The following ZAP70 variants were observed in gnomAD, a reference collection of about 807,000 sequenced individuals.
The protein encoded by ZAP70 is zeta chain of T cell receptor associated protein kinase 70, also known as tyrosine-protein kinase ZAP-70.
ZAP70 carries 27 observed loss-of-function variants against 65.8 expected under a neutral mutation model. The ratio of observed to expected loss-of-function variants is 0.41; its 90% CI spans 0.30 to 0.57. ZAP70 has a LOEUF of 0.57. Among genes scored for constraint, ZAP70 ranks in the 20% least tolerant of loss-of-function variants. The pLI is 0.28. For missense variants in ZAP70, 696 were observed against 870.5 expected, an observed-to-expected ratio of 0.80 and a Z score of 2.52; for synonymous variants, 363 against 360.8, an observed-to-expected ratio of 1.01 and a Z score of -0.07.
At chr2:97,714,165 G>C (rs1573243118) in intron 2 of ZAP70, among the ~76,000 whole-genome samples, 171 bp downstream of exon 2, 1 of 152,220 alleles carries the variant, frequency 6.6e-6, no homozygotes, top group African/African-American at 2.4e-5. Context: ...GACGGGGCTT[G>C]TGGCCACGCT....
At chr2:97,732,614 A>G in intron 4 of ZAP70, 1 of 553,906 alleles carries the variant, frequency 1.8e-6, no homozygotes, top group Non-Finnish European at 3.2e-6. Context: ...GGGGTCAGGT[A>G]TTCCCCGTGA....
the ZAP70 span, among the ~76,000 whole-genome samples, chr2:97,746,987 A>G: frequency 6.6e-6 from 1 of 152,236 alleles, no homozygotes; most frequent in East Asian, 1.9e-4. Flanking sequence ...CAACATTATT[A>G]ATCATTAGGG....
At chr2:97,738,822 C>T (rs1250317456) in intron 13 of ZAP70, among the ~76,000 whole-genome samples, 2 of 152,022 alleles carry the variant, frequency 1.3e-5, no homozygotes, top group African/African-American at 4.8e-5. Context: ...CATCAGGAAA[C>T]ACCCAGGGCA....
chr2:97,745,293 C>A, the ZAP70 span, among the ~76,000 whole-genome samples: 5,556 of 152,312 alleles, frequency 0.036, 330 homozygotes, highest in African/African-American at 0.13. Flanking sequence ...CCTGCCTTGG[C>A]CTCCCAAAGT....
chr2:97,714,862 G>A (rs75576165), intron 2 of ZAP70, among the ~76,000 whole-genome samples: 1 of 152,276 alleles, frequency 6.6e-6, no homozygotes, highest in African/African-American at 2.4e-5. Context: ...CCACTGCCCT[G>A]GCAGTGTTGC....
In ZAP70 at chr2:97,716,104, C is replaced by T. The variant is rs35432606; in HGVS notation, c.-22+2110C>T. On this transcript the variant is annotated intron_variant, in intron 2 of 13. Transcript: ENST00000264972. ...GAATGCTTCTGGGAGGATGGGACAA[C>T]GGAGGAGGCCTGAAGCCGGAGGCCC... 6.9e-3 allele frequency among the ~76,000 whole-genome samples: 1,048 copies of T among 152,200 alleles called. 4 individuals are homozygous for T. Among genetic ancestry groups the T allele is most frequent in the Non-Finnish European group, 0.01 (695 of 67,986 alleles).
chr2:97,738,460 C>T (rs1434082197), intron 13 of ZAP70: 1 of 367,126 alleles, frequency 2.7e-6, no homozygotes. Context: ...CTCCAGTACC[C>T]AACACTCCAG....
In ZAP70 at chr2:97,734,521, A is replaced by ACGC; in HGVS notation, c.892_894dup (p.Arg298dup). The ACGC allele has an allele frequency of 3.1e-6, 5 of 1,613,616 alleles. No individual in the cohort carries two copies. The highest frequency in any genetic ancestry group is 4.2e-6 in the Non-Finnish European group (5 of 1,179,862). On this transcript the variant is annotated inframe_insertion and splice_region_variant, in exon 9 of 14. Coordinates refer to ENST00000264972, the MANE Select transcript of ZAP70 (RefSeq NM_001079.4). ...GAGTGTACCGCTGTGTGTGCCCAGC[A>ACGC]CGCATAACGTCCCCAGACAAACCGC... is the stretch of plus-strand genomic sequence containing the variant.
At position 97,725,050 on chromosome 2, in the gene ZAP70, A is replaced by G. The variant is rs768684842; in HGVS notation, c.403-42A>G. 1.9e-6 allele frequency: 3 copies of G among 1,611,526 alleles called. No individual in the cohort carries two copies. In the Admixed American group the frequency reaches 5.0e-5, roughly 27 times the overall value. Reference sequence around the variant, plus strand: ...CCGGAAGGGGGTTCCTGTGGCGAGCACTTGGCCACACCTACAGACCTCCTC... The same window carrying G: ...CCGGAAGGGGGTTCCTGTGGCGAGCGCTTGGCCACACCTACAGACCTCCTC... On this transcript the variant is annotated intron_variant, in intron 3 of 13. Transcript: ENST00000264972.
In ZAP70 at chr2:97,737,575, C is replaced by T. The variant is rs1289751768; in HGVS notation, c.1392C>T (p.Ala464=). ...EKNFVHRDLA[A]RNVLLVNRHY... ...ACTTTGTGCACCGTGACCTGGCGGC[C>T]CGCAACGTCCTGCTGGTTAACCGGC... is the stretch of plus-strand genomic sequence containing the variant. Residue 464 remains alanine, a synonymous_variant, in exon 11 of 14, where the codon GCC becomes GCT. Coordinates refer to ENST00000264972, the MANE Select transcript of ZAP70 (RefSeq NM_001079.4). The surrounding 1 kb of genome is among the most constrained non-coding windows in gnomAD (Gnocchi z 5.0). The T allele has an allele frequency of 6.2e-7, 1 of 1,614,110 alleles. No homozygotes were observed. The highest frequency in any genetic ancestry group is 8.5e-7 in the Non-Finnish European group (1 of 1,179,998).
the ZAP70 span, among the ~76,000 whole-genome samples, chr2:97,746,355 T>TA: frequency 6.6e-6 from 1 of 151,960 alleles, no homozygotes; most frequent in Non-Finnish European, 1.5e-5. Flanking sequence ...AAAAATAGCT[T>TA]AAAAAAACCC....
chr2:97,737,550 A>G lies in ZAP70; in HGVS notation c.1367A>G (p.Asn456Ser), dbSNP rs1300700279. 6.2e-7 allele frequency: 1 copy of G among 1,614,100 alleles called. No homozygotes were observed. Among genetic ancestry groups the G allele is most frequent in the Non-Finnish European group, 8.5e-7 (1 of 1,179,982 alleles). ...SMGMKYLEEK[N>S]FVHRDLAARN... ...GGGATGAAGTACCTGGAGGAGAAGA[A>G]CTTTGTGCACCGTGACCTGGCGGCC... is the stretch of plus-strand genomic sequence containing the variant. The change falls in exon 11 of 14, where the codon AAC (asparagine) becomes AGC (serine). Residue 456 changes from asparagine (N) to serine (S), a missense_variant. Physicochemically the swap from Asn to Ser is conservative, Grantham distance 46 (BLOSUM62 1). Transcript: ENST00000264972. This position sits in a 1 kb window ranked among gnomAD's most constrained non-coding sequence, Gnocchi z 5.0.
At chr2:97,734,859 G>T in intron 9 of ZAP70, 147 bp downstream of exon 9, 1 of 1,144,494 alleles carries the variant, frequency 8.7e-7, no homozygotes, top group East Asian at 2.5e-5. Context: ...GCACGCTGGA[G>T]GATTCCCTGA....
In ZAP70 at chr2:97,736,288, A is replaced by C. The variant is rs1677876657; in HGVS notation, c.1289+832A>C. On this transcript the variant is annotated intron_variant, in intron 10 of 13. Coordinates refer to ENST00000264972, the MANE Select transcript of ZAP70 (RefSeq NM_001079.4). The surrounding 1 kb of genome is among the most constrained non-coding windows in gnomAD (Gnocchi z 4.0). ...CTTTACTGAAAAGTTTTGCAGTTTC[A>C]TTTGTGGTTCCTCATCCCCAAACTC... is the stretch of plus-strand genomic sequence containing the variant. 6.6e-6 allele frequency among the ~76,000 whole-genome samples: 1 copy of C among 151,912 alleles called. No homozygotes were observed. The highest frequency in any genetic ancestry group is 2.1e-4 in the South Asian group (1 of 4,820).
intron 2 of ZAP70, among the ~76,000 whole-genome samples, chr2:97,723,168 T>C (rs141524200): frequency 6.6e-6 from 1 of 152,376 alleles, no homozygotes; most frequent in African/African-American, 2.4e-5. Flanking sequence ...TTAATAGCTG[T>C]ATCAGAGTTC....
At chr2:97,729,242 C>T (rs1217384270) in intron 4 of ZAP70, among the ~76,000 whole-genome samples, 1 of 152,208 alleles carries the variant, frequency 6.6e-6, no homozygotes, top group Admixed American at 6.5e-5. Flanking sequence ...GACCAGTTAC[C>T]TCATTTTATA....
chr2:97,734,947 G>C (rs937111318), intron 9 of ZAP70: 12 of 684,010 alleles, frequency 1.8e-5, no homozygotes, highest in Non-Finnish European at 1.9e-5. Flanking sequence ...CCCAACCCAG[G>C]GGAGCTGCAG....
At chr2:97,733,713 T>C (rs1677719781) in intron 8 of ZAP70, 118 bp downstream of exon 8, 1 of 1,323,596 alleles carries the variant, frequency 7.6e-7, no homozygotes, top group Admixed American at 1.7e-5. Flanking sequence ...CTGTGGCAGT[T>C]GGCTTGGTTA....
the ZAP70 span, among the ~76,000 whole-genome samples, chr2:97,751,291 G>A: frequency 6.6e-6 from 1 of 151,854 alleles, no homozygotes; most frequent in Admixed American, 6.6e-5. Context: ...GTAGAGGCGG[G>A]TGTGTTTTGG....
Sources: gnomAD v4.1 joint callset for allele counts (sites outside exome capture counted in the v4.1 genomes callset) on GRCh38, gnomAD v4.1.1 for gene constraint, Gnocchi (gnomAD v3.1) non-coding constraint, MANE v1.5 for transcripts, NCBI Gene and HGNC (gene_info 2026-07-23, HGNC 2026-07-21) for gene names.